The following MLLT3 variants were observed in gnomAD, a reference collection of about 807,000 sequenced individuals.
MLLT3 encodes the protein MLLT3 super elongation complex subunit.
In MLLT3, 4 loss-of-function variants were observed where a neutral mutation model predicts 53.2. The observed-to-expected ratio is 0.08, with a 90% CI of 0.04 to 0.17. The LOEUF is 0.17. Among genes scored for constraint, MLLT3 ranks in the 10% least tolerant of loss-of-function variants. The pLI, the probability that MLLT3 is intolerant of heterozygous loss-of-function variation, is 1.00. For missense variants in MLLT3, 569 were observed against 684.0 expected (o/e 0.83, Z 1.87); for synonymous variants, 283 against 230.6 (o/e 1.23, Z -2.06).
chr9:20,485,672 T>C (rs954738043), intron 2 of MLLT3, among the ~76,000 whole-genome samples: 1 of 152,298 alleles, frequency 6.6e-6, no homozygotes, highest in Middle Eastern at 3.4e-3. Flanking sequence ...CAAGTTTTTT[T>C]AAAAAATCAC....
intron 2 of MLLT3, among the ~76,000 whole-genome samples, chr9:20,605,282 G>A (rs73434570): frequency 2.2e-4 from 33 of 152,026 alleles, no homozygotes; most frequent in Middle Eastern, 3.4e-3. Context: ...ATCATCATCT[G>A]GTTACTATCA....
intron 5 of MLLT3, among the ~76,000 whole-genome samples, chr9:20,391,643 C>T (rs1324450101): frequency 6.6e-6 from 1 of 152,164 alleles, no homozygotes; most frequent in Non-Finnish European, 1.5e-5. Context: ...TTATCTGTTC[C>T]TGATCCACTT....
intron 5 of MLLT3, among the ~76,000 whole-genome samples, chr9:20,376,881 C>A (rs947991440): frequency 9.9e-5 from 15 of 152,212 alleles, no homozygotes; most frequent in Non-Finnish European, 2.9e-5. Context: ...AATGAGAAAT[C>A]ATCTGAAAAC....
In MLLT3 at chr9:20,448,307, G is replaced by C. The variant is rs766457803; in HGVS notation, c.277-41C>G. On this transcript the variant is annotated intron_variant, in intron 3 of 10. Coordinates refer to ENST00000380338, the MANE Select transcript of MLLT3 (RefSeq NM_004529.4). This position sits in a 1 kb window ranked among gnomAD's most constrained non-coding sequence, Gnocchi z 4.0. ...AATTATGAAAGAAAAAAGAGAGTGA[G>C]GCATAAGTGAAATTTTAAAAGCAAA... 1.3e-6 allele frequency: 2 copies of C among 1,586,062 alleles called. No homozygotes were observed. Among genetic ancestry groups the C allele is most frequent in the Non-Finnish European group, 1.7e-6 (2 of 1,167,020 alleles).
At chr9:20,485,827 T>C (rs1032921272) in intron 2 of MLLT3, among the ~76,000 whole-genome samples, 127 of 152,252 alleles carry the variant, frequency 8.3e-4, no homozygotes, top group South Asian at 2.3e-3. Flanking sequence ...CAGTGATTTC[T>C]TACCAGAAGC....
intron 2 of MLLT3, among the ~76,000 whole-genome samples, chr9:20,481,900 G>A (rs1824672118): frequency 6.6e-6 from 1 of 152,212 alleles, no homozygotes; most frequent in South Asian, 2.1e-4. Context: ...CATTGCCACT[G>A]ATTTTGGCTA....
chr9:20,609,303 C>G (rs972387066), intron 2 of MLLT3, among the ~76,000 whole-genome samples: 1 of 152,012 alleles, frequency 6.6e-6, no homozygotes, highest in African/African-American at 2.4e-5. Flanking sequence ...TTCAATTCAG[C>G]ATTTGAATTA....
chr9:20,490,074 T>C (rs1448358210), intron 2 of MLLT3, among the ~76,000 whole-genome samples: 1 of 152,194 alleles, frequency 6.6e-6, no homozygotes, highest in Non-Finnish European at 1.5e-5. Flanking sequence ...GATAAAGATG[T>C]GATTTCTTTC....
At chr9:20,367,427 TA>T (rs771275486) in intron 5 of MLLT3, among the ~76,000 whole-genome samples, 26 of 152,342 alleles carry the variant, frequency 1.7e-4, no homozygotes, top group Non-Finnish European at 3.1e-4. Flanking sequence ...GTACTTAGCA[TA>T]ATGCATTGTA....
In MLLT3 at chr9:20,621,985, G is replaced by T. The variant is rs1006424471; in HGVS notation, c.12+260C>A. The T allele has an allele frequency of 1.4e-5, 20 of 1,400,636 alleles. No individual in the cohort carries two copies. In the African/African-American group the frequency reaches 2.2e-4, roughly 16 times the overall value. The allele number at this position is 1,400,636 out of a possible 1,614,324, so 86.8% of individuals were successfully genotyped here. A position where few individuals can be genotyped will look rare whatever the true frequency, so the allele number is the denominator to read the frequency against. On this transcript the variant is annotated intron_variant, in intron 1 of 10. Transcript: ENST00000380338. This position sits in a 1 kb window ranked among gnomAD's most constrained non-coding sequence, Gnocchi z 7.0. The stretch of plus-strand genomic sequence containing the variant: ...CTTCTTGTGACTGCAAAGAGGCGAG[G>T]AGGGAGGGAGGCGCGGGGGGTGGAG...
At chr9:20,578,713 A>G (rs539040020) in intron 2 of MLLT3, among the ~76,000 whole-genome samples, 1 of 152,182 alleles carries the variant, frequency 6.6e-6, no homozygotes, top group South Asian at 2.1e-4. Context: ...AATATGATCA[A>G]TTACTAGAAA....
intron 2 of MLLT3, among the ~76,000 whole-genome samples, chr9:20,592,068 A>T (rs974930342): frequency 1.6e-4 from 24 of 152,190 alleles, no homozygotes; most frequent in African/African-American, 5.1e-4. Context: ...TTCCCAAGTG[A>T]TTAAGAGATC....
At chr9:20,502,016 G>C (rs1825250206) in intron 2 of MLLT3, among the ~76,000 whole-genome samples, 1 of 142,970 alleles carries the variant, frequency 7.0e-6, no homozygotes, top group South Asian at 2.3e-4. Context: ...GGGAGGCGGA[G>C]GTTGCAGTAA....
At chr9:20,392,452 T>A (rs764545989) in intron 5 of MLLT3, among the ~76,000 whole-genome samples, 2 of 152,208 alleles carry the variant, frequency 1.3e-5, no homozygotes, top group African/African-American at 4.8e-5. Context: ...GACAATCTAC[T>A]AAAATCCCCA....
intron 2 of MLLT3, among the ~76,000 whole-genome samples, chr9:20,598,802 G>C (rs923343387): frequency 2.6e-5 from 4 of 152,166 alleles, no homozygotes; most frequent in African/African-American, 9.7e-5. Flanking sequence ...AAAACCTGGT[G>C]GCAATGCTAA....
At chr9:20,360,929 C>T (rs1320029500) in intron 7 of MLLT3, 88 bp from the exon 8 acceptor site, 2 of 1,124,336 alleles carry the variant, frequency 1.8e-6, no homozygotes, top group East Asian at 4.9e-5. Flanking sequence ...AGCACAGAAT[C>T]CAAACACTAA....
At position 20,414,167 on chromosome 9, in the gene MLLT3, T is replaced by C. The variant is rs1407659521; in HGVS notation, c.679A>G (p.Lys227Glu). 2.5e-6 allele frequency: 4 copies of C among 1,614,232 alleles called. No homozygotes were observed. Among genetic ancestry groups the C allele is most frequent in the Non-Finnish European group, 3.4e-6 (4 of 1,180,036 alleles). ...AFKEPSRDHN[K>E]SSKESSKKPK... The stretch of plus-strand genomic sequence containing the variant: ...TTCTTAGAGGATTCTTTGGAAGATT[T>C]GTTGTGATCCCTGGAAGGTTCTTTG... The change falls in exon 5 of 11, where the codon AAA (lysine) becomes GAA (glutamate). Residue 227 changes from lysine to glutamate, a missense_variant. Physicochemically the swap from Lys to Glu is moderately conservative, Grantham distance 56 (BLOSUM62 1). Transcript: ENST00000380338.
At chr9:20,585,419 A>G (rs1819927960) in intron 2 of MLLT3, among the ~76,000 whole-genome samples, 1 of 152,190 alleles carries the variant, frequency 6.6e-6, no homozygotes, top group African/African-American at 2.4e-5. Flanking sequence ...GTTTCAACGT[A>G]TGAATTTGGT....
At chr9:20,470,495 A>C (rs1377234056) in intron 2 of MLLT3, among the ~76,000 whole-genome samples, 1 of 152,072 alleles carries the variant, frequency 6.6e-6, no homozygotes, top group Non-Finnish European at 1.5e-5. Context: ...TAATGAACTA[A>C]GTAAATCATG....
Sources: gnomAD v4.1 joint callset for allele counts (sites outside exome capture counted in the v4.1 genomes callset) on GRCh38, gnomAD v4.1.1 for gene constraint, Gnocchi (gnomAD v3.1) non-coding constraint, MANE v1.5 for transcripts, NCBI Gene and HGNC (gene_info 2026-07-23, HGNC 2026-07-21) for gene names.